GNB1L: variants seen among roughly 807,000 people sequenced by gnomAD.
The protein encoded by GNB1L is guanine nucleotide-binding protein subunit beta-like protein 1.
GNB1L carries 20 observed loss-of-function variants against 29.1 expected under a neutral mutation model. The ratio of observed to expected loss-of-function variants is 0.69; its 90% CI spans 0.48 to 1.00. The LOEUF (loss-of-function observed/expected upper bound fraction) is 1.00. Among genes scored for constraint, GNB1L ranks in the 50% least tolerant of loss-of-function variants. The probability of loss-of-function intolerance (pLI) is 0.00; values close to 1 mark genes in which losing one functional copy is unlikely to be tolerated. For synonymous variants in GNB1L, 193 were observed against 206.5 expected (o/e 0.93, Z 0.56); for missense variants, 421 against 464.9 (o/e 0.91, Z 0.87).
Position 19,810,939 on chromosome 22 carries a change from G to A in GNB1L, c.417+1346C>T, listed in dbSNP as rs528881801. On this transcript the variant is annotated intron_variant, in intron 5 of 7. Transcript: ENST00000329517. Reference sequence around the variant, plus strand: ...CAGGGGACGTGTGGCAGGGGGCAGCGCAGGCTGACCGAGTGCTGGCTGGCG... The same window carrying A: ...CAGGGGACGTGTGGCAGGGGGCAGCACAGGCTGACCGAGTGCTGGCTGGCG... Among the ~76,000 whole-genome samples the A allele has an allele frequency of 3.2e-4, 48 of 152,308 alleles. 1 individual carries two copies. Among genetic ancestry groups the A allele is most frequent in the Middle Eastern group, 6.8e-3 (2 of 294 alleles).
At chr22:19,834,797 AAAG>A (rs1299373061) in intron 2 of GNB1L, among the ~76,000 whole-genome samples, 5 of 152,302 alleles carry the variant, frequency 3.3e-5, no homozygotes, top group East Asian at 1.9e-4. Context: ...GAAGAAAAAA[AAAG>A]AAGAGAAGAA....
chr22:19,791,191 C>T (rs1332067581), intron 7 of GNB1L, among the ~76,000 whole-genome samples: 2 of 152,234 alleles, frequency 1.3e-5, no homozygotes, highest in Non-Finnish European at 2.9e-5. Context: ...TGTGATCACA[C>T]CATTGTACTC....
chr22:19,799,813 G>A (rs1252161293), intron 7 of GNB1L, among the ~76,000 whole-genome samples: 2 of 152,186 alleles, frequency 1.3e-5, no homozygotes, highest in Admixed American at 6.5e-5. Context: ...CTCCGAAAGC[G>A]CCCCCACAGG....
Position 19,820,642 on chromosome 22 carries a change from A to G in GNB1L, c.210T>C (p.Cys70=). Residue 70 remains cysteine, a synonymous_variant, in exon 4 of 8, where the codon TGT becomes TGC. Coordinates refer to ENST00000329517, the MANE Select transcript of GNB1L (RefSeq NM_053004.3). ...VTTLDGHGGQ[C]VTWLQTLPQG... ...GGGGCAGCGTCTGCAGCCAGGTCAC[A>G]CACTGGCCGCCGTGGCCATCCAGGG... 1 of 1,613,248 alleles carries G rather than the reference A, an allele frequency of 6.2e-7. No individual in the cohort carries two copies.
Position 19,823,063 on chromosome 22 carries a change from G to A in GNB1L, c.-20-1688C>T, listed in dbSNP as rs1404700987. ...AGGGGCCGGGCAGTGACTCCAGGGC[G>A]CAGGTCCACCCTGCCTGGCGAGAGA... On this transcript the variant is annotated intron_variant, in intron 2 of 7. Transcript: ENST00000329517. Among the ~76,000 whole-genome samples, 13 of 152,214 alleles carry A rather than the reference G, an allele frequency of 8.5e-5. 1 individual carries two copies. Among genetic ancestry groups the A allele is most frequent in the Non-Finnish European group, 2.9e-5 (2 of 68,036 alleles).
intron 2 of GNB1L, among the ~76,000 whole-genome samples, chr22:19,838,936 A>G (rs2145895158): frequency 6.6e-6 from 1 of 152,372 alleles, no homozygotes. Flanking sequence ...CTAAAACAGA[A>G]AATAACCCAA....
rs1241921198 is a variant in GNB1L at position 19,851,949 on chromosome 22, C to T, written c.-21+2494G>A. 15 of 1,614,134 alleles carry T rather than the reference C, an allele frequency of 9.3e-6. No homozygotes were observed. In the South Asian group the frequency reaches 1.3e-4, roughly 14 times the overall value. On this transcript the variant is annotated intron_variant, in intron 2 of 7. Coordinates refer to ENST00000329517, the MANE Select transcript of GNB1L (RefSeq NM_053004.3). ...AGCCACGGGGAGCCATCAAAGGTGC[C>T]TGGGTCTGAGCCTGGTACCCAGCAG...
chr22:19,828,855 A>C (rs1937642580), intron 2 of GNB1L, among the ~76,000 whole-genome samples: 1 of 150,336 alleles, frequency 6.7e-6, no homozygotes, highest in African/African-American at 2.5e-5. Flanking sequence ...TTTTTGAGAC[A>C]GAATCTTGCT....
chr22:19,817,710 C>T (rs1015286249), intron 4 of GNB1L, among the ~76,000 whole-genome samples: 6 of 152,146 alleles, frequency 3.9e-5, no homozygotes, highest in Non-Finnish European at 7.3e-5. Context: ...CCTCCTGGGG[C>T]ATGAGGGGCT....
chr22:19,806,070 C>T (rs76280169), intron 6 of GNB1L, among the ~76,000 whole-genome samples: 2,528 of 152,294 alleles, frequency 0.017, 35 homozygotes, highest in Non-Finnish European at 0.024. Flanking sequence ...AAGAGTCCCT[C>T]CCAGCAACCC....
intron 7 of GNB1L, among the ~76,000 whole-genome samples, chr22:19,790,395 A>G (rs953617052): frequency 4.6e-5 from 7 of 152,062 alleles, no homozygotes; most frequent in Non-Finnish European, 8.8e-5. Context: ...TCCCCGAGAG[A>G]TTATCTGAGA....
Position 19,816,826 on chromosome 22 carries a change from C to A in GNB1L, c.254+3772G>T, listed in dbSNP as rs60895758. On this transcript the variant is annotated intron_variant, in intron 4 of 7. Coordinates refer to ENST00000329517, the MANE Select transcript of GNB1L (RefSeq NM_053004.3). The surrounding 1 kb of genome is among the most constrained non-coding windows in gnomAD (Gnocchi z 4.4). ...GATGTTCACTGACATGCCCAACAAG[C>A]GAGCCTGCCACCTGCCCTCACCAAC... 6.6e-6 allele frequency among the ~76,000 whole-genome samples: 1 copy of A among 152,152 alleles called. No individual in the cohort carries two copies. Among genetic ancestry groups the A allele is most frequent in the East Asian group, 1.9e-4 (1 of 5,190 alleles).
chr22:19,828,535 A>C (rs1259897002), intron 2 of GNB1L, among the ~76,000 whole-genome samples: 2 of 152,008 alleles, frequency 1.3e-5, no homozygotes, highest in East Asian at 3.9e-4. Flanking sequence ...AGTCCCAGCT[A>C]TTTGGGATGC....
At chr22:19,829,303 T>C (rs1013025087) in intron 2 of GNB1L, among the ~76,000 whole-genome samples, 6 of 152,182 alleles carry the variant, frequency 3.9e-5, no homozygotes, top group African/African-American at 1.4e-4. Context: ...TGTATAAAAA[T>C]TGACTGTATA....
rs56156663 is a variant in GNB1L, at chr22:19,821,290, C to T, written c.66G>A (p.Pro22=). The T allele has an allele frequency of 3.8e-3, 6,092 of 1,613,358 alleles. 32 individuals are homozygous for T. The highest frequency in any genetic ancestry group is 3.4e-3 in the Non-Finnish European group (3,954 of 1,179,806). ...PQFVLRGTQS[P]VHALHFCEGA... ...CTTCGCAGAAGTGCAGCGCATGCAC[C>T]GGTGACTGGGTGCCTCGGAGGACAA... The change falls in exon 3 of 8, where the codon CCG becomes CCA. Residue 22 remains proline (P), a synonymous_variant. Transcript: ENST00000329517.
In GNB1L at chr22:19,821,415, A is replaced by C. The variant is rs117452300; in HGVS notation, c.-20-40T>G. 15,507 of 1,583,648 alleles carry C rather than the reference A, an allele frequency of 9.8e-3. 101 individuals are homozygous for C. Among genetic ancestry groups the C allele is most frequent in the Non-Finnish European group, 0.012 (13,962 of 1,163,406 alleles). ...AGGGCGTGTGAGTGACTGCGTCCCT[A>C]TTCTCACCCTCTAGGAAGGCTGCTC... On this transcript the variant is annotated intron_variant, in intron 2 of 7. Coordinates refer to ENST00000329517, the MANE Select transcript of GNB1L (RefSeq NM_053004.3).
At chr22:19,844,817 G>A (rs938423679) in intron 2 of GNB1L, among the ~76,000 whole-genome samples, 1 of 152,192 alleles carries the variant, frequency 6.6e-6, no homozygotes, top group Non-Finnish European at 1.5e-5. Context: ...TTTTTGACCC[G>A]GGTGAACACA....
At chr22:19,822,436 C>T (rs911458484) in intron 2 of GNB1L, among the ~76,000 whole-genome samples, 3 of 152,238 alleles carry the variant, frequency 2.0e-5, no homozygotes, top group African/African-American at 7.2e-5. Context: ...CAGGGCCTCG[C>T]ACTCCACCTC....
chr22:19,839,057 C>T (rs772210484), intron 2 of GNB1L, among the ~76,000 whole-genome samples: 19 of 152,124 alleles, frequency 1.2e-4, no homozygotes, highest in East Asian at 3.9e-4. Flanking sequence ...AGGCTACACA[C>T]TATTTATATG....
Sources: allele counts gnomAD v4.1 joint callset (sites outside exome capture counted in the v4.1 genomes callset), GRCh38; gene constraint gnomAD v4.1.1; non-coding constraint Gnocchi (gnomAD v3.1); transcripts MANE v1.5; gene names NCBI Gene and HGNC (gene_info 2026-07-23, HGNC 2026-07-21).